The following CPAMD8 variants were observed in gnomAD, a reference collection of about 807,000 sequenced individuals.
CPAMD8 encodes C3 and PZP like alpha-2-macroglobulin domain containing 8, also known as C3 and PZP-like alpha-2-macroglobulin domain-containing protein 8.
In CPAMD8, 146 loss-of-function variants were observed where a neutral mutation model predicts 224.7. The ratio of observed to expected loss-of-function variants is 0.65; its 90% CI spans 0.57 to 0.75. The LOEUF (loss-of-function observed/expected upper bound fraction) is 0.75, where lower values mean the gene tolerates loss of function less well. Ranked by LOEUF, CPAMD8 falls within the 30% of genes least tolerant of loss-of-function variation. The pLI, the probability that CPAMD8 is intolerant of heterozygous loss-of-function variation, is 0.00. For missense variants in CPAMD8, 2,301 were observed against 2,537.5 expected (o/e 0.91, Z 2.00); for synonymous variants, 966 against 1,044.6 (o/e 0.92, Z 1.45).
At chr19:16,983,383 A>T (rs1185108662) in intron 13 of CPAMD8, among the ~76,000 whole-genome samples, 1 of 150,892 alleles carries the variant, frequency 6.6e-6, no homozygotes, top group Non-Finnish European at 1.5e-5. Flanking sequence ...TGGGTGACAG[A>T]GTGAGACTCC....
At chr19:16,938,557 T>C in intron 22 of CPAMD8, 111 bp from the exon 23 acceptor site, 1 of 639,736 alleles carries the variant, frequency 1.6e-6, no homozygotes, top group Non-Finnish European at 2.8e-6. Context: ...GACCACATAA[T>C]TGTGCTTCCA....
intron 27 of CPAMD8, among the ~76,000 whole-genome samples, chr19:16,915,860 CTTCCT>C (rs1423526111): frequency 2.0e-5 from 3 of 151,746 alleles, no homozygotes; most frequent in Non-Finnish European, 4.4e-5. Flanking sequence ...CTCCCTCCCT[CTTCCT>C]TTCTTCTTTC....
At chr19:16,968,504 C>G (rs905187368) in intron 18 of CPAMD8, among the ~76,000 whole-genome samples, 1 of 152,174 alleles carries the variant, frequency 6.6e-6, no homozygotes, top group African/African-American at 2.4e-5. Flanking sequence ...AAATGGGCAT[C>G]ATTCCAAAAG....
chr19:16,921,897 G>A lies in CPAMD8; in HGVS notation c.3629+8C>T, dbSNP rs1599705611. On this transcript the variant is annotated splice_region_variant and intron_variant, in intron 27 of 41. Transcript: ENST00000443236. ...TCAGAGGCAATGCCCAGGGCGGTGG[G>A]GACTCACCACATGCTCCCCGATGCG... 1.3e-6 allele frequency: 2 copies of A among 1,537,042 alleles called. No homozygotes were observed. The highest frequency in any genetic ancestry group is 2.7e-5 in the African/African-American group (2 of 72,936).
intron 17 of CPAMD8, 68 bp from the exon 18 acceptor site, chr19:16,971,101 G>A: frequency 7.2e-7 from 1 of 1,380,390 alleles, no homozygotes; most frequent in Non-Finnish European, 9.9e-7. Flanking sequence ...GAAGCATAAG[G>A]GAATGAATCA....
chr19:17,023,480 T>C (rs2057008779), intron 1 of CPAMD8, among the ~76,000 whole-genome samples: 1 of 152,272 alleles, frequency 6.6e-6, no homozygotes, highest in East Asian at 1.9e-4. Flanking sequence ...TGTAGAATGA[T>C]GGAAATCAGA....
chr19:16,897,336 G>A (rs1358836116), intron 39 of CPAMD8: 5 of 71,016 alleles, frequency 7.0e-5, no homozygotes, highest in South Asian at 2.7e-4. Flanking sequence ...CCTCCCCCTC[G>A]CCGCTCGACC....
At chr19:16,942,664 A>AC (rs932962107) in intron 22 of CPAMD8, among the ~76,000 whole-genome samples, 10 of 152,126 alleles carry the variant, frequency 6.6e-5, no homozygotes, top group African/African-American at 2.2e-4. Context: ...CTCACAGAGG[A>AC]CCCCACAGCT....
chr19:17,016,897 T>C (rs2056827259), intron 3 of CPAMD8, among the ~76,000 whole-genome samples: 1 of 151,678 alleles, frequency 6.6e-6, no homozygotes, highest in South Asian at 2.1e-4. Flanking sequence ...TCTTTTTTTT[T>C]TTTTCTTTTT....
At chr19:16,958,944 C>T (rs1216026741) in intron 18 of CPAMD8, among the ~76,000 whole-genome samples, 3 of 151,328 alleles carry the variant, frequency 2.0e-5, no homozygotes, top group South Asian at 2.1e-4. Flanking sequence ...GGATTACAGG[C>T]GCCTGCCACT....
intron 18 of CPAMD8, among the ~76,000 whole-genome samples, chr19:16,965,916 C>A (rs1345773948): frequency 1.3e-5 from 2 of 152,136 alleles, no homozygotes; most frequent in Admixed American, 1.3e-4. Flanking sequence ...GGCCATACTG[C>A]CCAAGGTAAT....
intron 18 of CPAMD8, among the ~76,000 whole-genome samples, chr19:16,964,332 A>C (rs1442607195): frequency 6.6e-6 from 1 of 152,282 alleles, no homozygotes; most frequent in South Asian, 2.1e-4. Flanking sequence ...AATCAAATAG[A>C]CGCAATAAAA....
chr19:16,955,389 G>C lies in CPAMD8; in HGVS notation c.2276+2464C>G, dbSNP rs185315922. Reference sequence around the variant, plus strand: ...TGTTGAAATAAGCCAGTCACAAAACGACAAATACTACATGATTCCACTTAC... The same window carrying C: ...TGTTGAAATAAGCCAGTCACAAAACCACAAATACTACATGATTCCACTTAC... On this transcript the variant is annotated intron_variant, in intron 19 of 41. Coordinates refer to ENST00000443236, the MANE Select transcript of CPAMD8 (RefSeq NM_015692.5). Among the ~76,000 whole-genome samples, 188 of 152,032 alleles carry C rather than the reference G, an allele frequency of 1.2e-3. 1 individual carries two copies. Among genetic ancestry groups the C allele is most frequent in the African/African-American group, 4.3e-3 (180 of 41,492 alleles).
At chr19:16,974,962 G>A (rs377509669) in intron 17 of CPAMD8, 135 bp downstream of exon 17, 66 of 1,198,902 alleles carry the variant, frequency 5.5e-5, no homozygotes, top group South Asian at 2.4e-4. Flanking sequence ...GCCACAGAGC[G>A]AGACCCCATC....
Position 16,903,853 on chromosome 19 carries a change from G to T in CPAMD8, c.4256C>A (p.Thr1419Asn). Residue 1419 changes from threonine (T) to asparagine (N), a missense_variant, in exon 33 of 42, where the codon ACC becomes AAC. Coordinates refer to ENST00000443236, the MANE Select transcript of CPAMD8 (RefSeq NM_015692.5). ...AGCCAAGGCCTGCAGAGCCACGCAG[G>T]TGTCCTGGGGATGGAGGAGGAGACG... Reference protein sequence around the residue: ...ALGGFSSTQDTCVALQALAEY... With the variant: ...ALGGFSSTQDNCVALQALAEY... 3 of 1,613,338 alleles carry T rather than the reference G, an allele frequency of 1.9e-6. No homozygotes were observed. The highest frequency in any genetic ancestry group is 1.7e-6 in the Non-Finnish European group (2 of 1,179,940).
intron 16 of CPAMD8, 28 bp from the exon 17 acceptor site, chr19:16,975,286 T>C (rs761130174): frequency 7.0e-6 from 11 of 1,578,354 alleles, no homozygotes; most frequent in Non-Finnish European, 9.5e-6. Flanking sequence ...CAGAGACTTG[T>C]CAGCTGAAGT....
In CPAMD8 at chr19:17,010,242, G is replaced by A. The variant is rs543137553; in HGVS notation, c.487-922C>T. 1.7e-4 allele frequency among the ~76,000 whole-genome samples: 26 copies of A among 150,010 alleles called. No homozygotes were observed. The South Asian group carries it at 3.8e-3, about 22-fold the overall frequency. On this transcript the variant is annotated intron_variant, in intron 5 of 41. Transcript: ENST00000443236. ...CCTCCTCTTTTTTTTTTGGTTTTTC[G>A]TTTTTTGTAGAGACAGGGTTGTGCT...
chr19:16,967,910 CA>C (rs2054907206), intron 18 of CPAMD8, among the ~76,000 whole-genome samples: 1 of 146,882 alleles, frequency 6.8e-6, no homozygotes, highest in Non-Finnish European at 1.5e-5. Flanking sequence ...TATATATGTG[CA>C]TATATACACA....
At chr19:16,989,852 C>T (rs967160281) in intron 12 of CPAMD8, 81 bp from the exon 13 acceptor site, 4 of 1,377,596 alleles carry the variant, frequency 2.9e-6, no homozygotes, top group South Asian at 1.2e-5. Context: ...GCTTGCTCTG[C>T]CCAGAAGAAA....
Sources: allele counts gnomAD v4.1 joint callset (sites outside exome capture counted in the v4.1 genomes callset), GRCh38; gene constraint gnomAD v4.1.1; transcripts MANE v1.5; gene names NCBI Gene and HGNC (gene_info 2026-07-23, HGNC 2026-07-21).